The following DENND5B variants were observed in gnomAD, a reference collection of about 807,000 sequenced individuals.
DENND5B encodes the protein DENN domain-containing protein 5B.
A neutral mutation model predicts 140.6 loss-of-function variants in DENND5B; 34 were observed. The observed-to-expected ratio is 0.24, with a 90% CI of 0.18 to 0.32. The LOEUF is 0.32. DENND5B is among the 10% of genes least tolerant of loss of function. The pLI, the probability that DENND5B is intolerant of heterozygous loss-of-function variation, is 1.00. For missense variants in DENND5B, 1,142 were observed against 1,560.2 expected, an observed-to-expected ratio of 0.73 and a Z score of 4.52; for synonymous variants, 551 against 562.1, an observed-to-expected ratio of 0.98 and a Z score of 0.28.
At chr12:31,563,426 G>C (rs1791498691) in intron 1 of DENND5B, among the ~76,000 whole-genome samples, 1 of 152,110 alleles carries the variant, frequency 6.6e-6, no homozygotes, top group Non-Finnish European at 1.5e-5. Context: ...AACAAAAACT[G>C]AGGATTCCAT....
At position 31,591,005 on chromosome 12, in the gene DENND5B, G is replaced by A; in HGVS notation, c.-173C>T. On this transcript the variant is annotated 5_prime_UTR_variant, in exon 1 of 21. Coordinates refer to ENST00000389082, the MANE Select transcript of DENND5B (RefSeq NM_144973.4). The stretch of plus-strand genomic sequence containing the variant: ...GCAGCCTGCCTCCTCGCTCGGCGCG[G>A]GGGAAGCGGCCGCGGGCTCGCGCGC... The A allele has an allele frequency of 1.4e-6, 1 of 716,066 alleles. No individual in the cohort carries two copies. Among genetic ancestry groups the A allele is most frequent in the Non-Finnish European group, 1.7e-6 (1 of 579,290 alleles). 44.4% of individuals were successfully genotyped at this position (716,066 alleles called of 1,614,324 possible). A position where few individuals can be genotyped will look rare whatever the true frequency, so the allele number is the denominator to read the frequency against.
chr12:31,547,170 TTTC>T (rs1248133979), intron 1 of DENND5B, among the ~76,000 whole-genome samples: 6 of 152,330 alleles, frequency 3.9e-5, no homozygotes, highest in East Asian at 1.9e-4. Context: ...TTGTGTTACT[TTTC>T]TTTTTTTTAC....
intron 3 of DENND5B, among the ~76,000 whole-genome samples, chr12:31,478,890 T>C (rs1945941416): frequency 6.6e-6 from 1 of 152,210 alleles, no homozygotes; most frequent in Non-Finnish European, 1.5e-5. Flanking sequence ...ACAAATGTAC[T>C]GGTAAAATAA....
At chr12:31,449,735 T>TATGTTG (rs1944425144) in intron 5 of DENND5B, among the ~76,000 whole-genome samples, 1 of 138,084 alleles carries the variant, frequency 7.2e-6, no homozygotes, top group Admixed American at 7.4e-5. Context: ...AGATTAGTTT[T>TATGTTG]TTTTTTTTTT....
intron 1 of DENND5B, among the ~76,000 whole-genome samples, chr12:31,580,938 CA>C (rs933091415): frequency 4.0e-5 from 6 of 151,602 alleles, no homozygotes; most frequent in African/African-American, 9.7e-5. Flanking sequence ...CCCATCTCTA[CA>C]AAAAAAATTT....
chr12:31,591,002 G>T lies in DENND5B; in HGVS notation c.-170C>A. ...GCCGCAGCCTGCCTCCTCGCTCGGC[G>T]CGGGGGAAGCGGCCGCGGGCTCGCG... is the stretch of plus-strand genomic sequence containing the variant. On this transcript the variant is annotated 5_prime_UTR_variant, in exon 1 of 21. Transcript: ENST00000389082. 2.8e-6 allele frequency: 2 copies of T among 713,906 alleles called. No homozygotes were observed. Among genetic ancestry groups the T allele is most frequent in the Non-Finnish European group, 3.5e-6 (2 of 577,230 alleles). 44.2% of individuals were successfully genotyped at this position (713,906 alleles called of 1,614,324 possible).
intron 1 of DENND5B, among the ~76,000 whole-genome samples, chr12:31,527,682 G>A (rs1948133929): frequency 6.6e-6 from 1 of 152,134 alleles, no homozygotes; most frequent in African/African-American, 2.4e-5. Context: ...GGAGGCTGAG[G>A]CAGGAGAACT....
chr12:31,589,341 A>C (rs2139547367), intron 1 of DENND5B, among the ~76,000 whole-genome samples: 1 of 152,372 alleles, frequency 6.6e-6, no homozygotes, highest in South Asian at 2.1e-4. Flanking sequence ...CAATGTGATT[A>C]CATAATTACA....
At chr12:31,392,725 C>T (rs773407018) in intron 17 of DENND5B, 29 bp from the exon 18 acceptor site, 68 of 1,540,628 alleles carry the variant, frequency 4.4e-5, no homozygotes, top group Non-Finnish European at 5.9e-5. Context: ...TGGCTGCATT[C>T]TCATGGGAGA....
Position 31,402,459 on chromosome 12 carries a change from G to A in DENND5B, c.2949+39C>T, listed in dbSNP as rs148731690. 8.6e-4 allele frequency: 1,370 copies of A among 1,584,554 alleles called. 7 individuals are homozygous for A. The African/African-American group carries it at 0.015, about 17-fold the overall frequency. On this transcript the variant is annotated intron_variant, in intron 15 of 20. Coordinates refer to ENST00000389082, the MANE Select transcript of DENND5B (RefSeq NM_144973.4). ...GACAGAATCATCTGTAAAACTACAC[G>A]TGATACATTCTTCTAGGAAAGGTAT...
At position 31,424,524 on chromosome 12, in the gene DENND5B, A is replaced by G. The variant is rs1305007345; in HGVS notation, c.2391+11T>C. The G allele has an allele frequency of 6.2e-7, 1 of 1,611,542 alleles. No individual in the cohort carries two copies. The highest frequency in any genetic ancestry group is 8.5e-7 in the Non-Finnish European group (1 of 1,178,966). On this transcript the variant is annotated intron_variant, in intron 10 of 20. Coordinates refer to ENST00000389082, the MANE Select transcript of DENND5B (RefSeq NM_144973.4). ...ACTGGCCATGTCACCAGGACCTCCTAAAACTGTTACCTGCTTGACCTGCAA... is the reference window on the plus strand; with the variant it reads ...ACTGGCCATGTCACCAGGACCTCCTGAAACTGTTACCTGCTTGACCTGCAA...
chr12:31,560,833 G>C lies in DENND5B; in HGVS notation c.127+29873C>G, dbSNP rs934506896. Among the ~76,000 whole-genome samples the C allele has an allele frequency of 7.2e-5, 11 of 152,050 alleles. No individual in the cohort carries two copies. In the South Asian group the frequency reaches 1.5e-3, roughly 20 times the overall value. Reference sequence around the variant, plus strand: ...GGATACTTTTCCCAAATATCTACTTGGCTAACTCCCTTACTTTCTTAAGTC... The same window carrying C: ...GGATACTTTTCCCAAATATCTACTTCGCTAACTCCCTTACTTTCTTAAGTC... On this transcript the variant is annotated intron_variant, in intron 1 of 20. Transcript: ENST00000389082.
rs1253873162 is a variant in DENND5B at position 31,561,470 on chromosome 12, TAAC to T, written c.127+29233_127+29235del. 4.6e-5 allele frequency among the ~76,000 whole-genome samples: 7 copies of T among 152,018 alleles called. No homozygotes were observed. In the East Asian group the frequency reaches 9.7e-4, roughly 21 times the overall value. ...GAGACCCTGTCTCAAATAATAATAA[TAAC>T]AACAACAACAATTTATGCTCCACAT... On this transcript the variant is annotated intron_variant, in intron 1 of 20. Coordinates refer to ENST00000389082, the MANE Select transcript of DENND5B (RefSeq NM_144973.4).
In DENND5B at chr12:31,404,212, G is replaced by A. The variant is rs544629769; in HGVS notation, c.2804-1569C>T. 2.6e-5 allele frequency among the ~76,000 whole-genome samples: 4 copies of A among 152,248 alleles called. No individual in the cohort carries two copies. In the South Asian group the frequency reaches 6.2e-4, roughly 24 times the overall value. On this transcript the variant is annotated intron_variant, in intron 14 of 20. Coordinates refer to ENST00000389082, the MANE Select transcript of DENND5B (RefSeq NM_144973.4). Reference sequence around the variant, plus strand: ...TGCACTCCAGCCTGGGCAACACAGCGAGACCCTATCTCAAAACAAAAAGGG... The same window carrying A: ...TGCACTCCAGCCTGGGCAACACAGCAAGACCCTATCTCAAAACAAAAAGGG...
chr12:31,590,976 C>T lies in DENND5B; in HGVS notation c.-144G>A, dbSNP rs940880835. 2.1e-4 allele frequency: 199 copies of T among 936,320 alleles called. No homozygotes were observed. The highest frequency in any genetic ancestry group is 2.5e-4 in the Non-Finnish European group (194 of 766,354). 58.0% of individuals were successfully genotyped at this position (936,320 alleles called of 1,614,324 possible). ...CCATGGCCGCGCAGCCGCCTCTCGC[C>T]GCCGCAGCCTGCCTCCTCGCTCGGC... On this transcript the variant is annotated 5_prime_UTR_variant, in exon 1 of 21. Transcript: ENST00000389082.
intron 1 of DENND5B, among the ~76,000 whole-genome samples, chr12:31,580,900 G>A (rs1400573706): frequency 6.6e-6 from 1 of 152,144 alleles, no homozygotes; most frequent in Non-Finnish European, 1.5e-5. Flanking sequence ...GAGCCCAGGA[G>A]TTCAAGACCA....
intron 7 of DENND5B, among the ~76,000 whole-genome samples, chr12:31,433,811 T>A (rs796963): frequency 6.6e-6 from 1 of 152,070 alleles, no homozygotes; most frequent in Non-Finnish European, 1.5e-5. Flanking sequence ...TTGAGGCCAG[T>A]AGTTCGAGAC....
intron 2 of DENND5B, among the ~76,000 whole-genome samples, chr12:31,490,321 G>T (rs1946477004): frequency 1.3e-5 from 2 of 152,102 alleles, no homozygotes; most frequent in South Asian, 4.1e-4. Context: ...TAATTTTACT[G>T]TGAGATATGG....
rs550803184 is a variant in DENND5B at position 31,424,403 on chromosome 12, G to C, written c.2391+132C>G. ...TATTTTCTTTTTCTGAAATTAAAAT[G>C]CCTGTGGCATTTTTCTAGTCCCCTT... On this transcript the variant is annotated intron_variant, in intron 10 of 20. Transcript: ENST00000389082. 7.2e-5 allele frequency: 85 copies of C among 1,184,804 alleles called. 2 individuals are homozygous for C. In the African/African-American group the frequency reaches 1.2e-3, roughly 16 times the overall value. The allele number at this position is 1,184,804 out of a possible 1,614,324, so 73.4% of individuals were successfully genotyped here.
Sources: allele counts gnomAD v4.1 joint callset (sites outside exome capture counted in the v4.1 genomes callset), GRCh38; gene constraint gnomAD v4.1.1; transcripts MANE v1.5; gene names NCBI Gene and HGNC (gene_info 2026-07-23, HGNC 2026-07-21).